The following TRA2A variants were observed in gnomAD, a reference collection of about 807,000 sequenced individuals.
TRA2A encodes transformer-2 protein homolog alpha.
In TRA2A, 31 loss-of-function variants were observed where a neutral mutation model predicts 45.7. That is an observed-to-expected ratio of 0.68 (90% CI 0.51 to 0.92). The LOEUF is 0.92. TRA2A is among the 40% of genes least tolerant of loss of function. The pLI is 0.00. For synonymous variants in TRA2A, 132 were observed against 126.2 expected (o/e 1.05, Z -0.31); for missense variants, 304 against 367.5 (o/e 0.83, Z 1.41).
chr7:23,531,872 G>C lies in TRA2A; in HGVS notation c.-48C>G. 1.2e-6 allele frequency: 2 copies of C among 1,604,148 alleles called. No individual in the cohort carries two copies. Among genetic ancestry groups the C allele is most frequent in the Non-Finnish European group, 1.7e-6 (2 of 1,173,486 alleles). ...CTAAATAAGAGACAAGTCTCGGCTC[G>C]AGGGCCGATGGCCTAATTAACCCGC... On this transcript the variant is annotated 5_prime_UTR_variant, in exon 1 of 8. Coordinates refer to ENST00000297071, the MANE Select transcript of TRA2A (RefSeq NM_013293.5).
At chr7:23,524,656 A>G (rs1453666029) in intron 1 of TRA2A, among the ~76,000 whole-genome samples, 1 of 151,182 alleles carries the variant, frequency 6.6e-6, no homozygotes, top group Non-Finnish European at 1.5e-5. Flanking sequence ...AGCTGTCTCT[A>G]ACTCCTAGCT....
intron 1 of TRA2A, among the ~76,000 whole-genome samples, chr7:23,527,840 C>G (rs1790401394): frequency 6.6e-6 from 1 of 152,108 alleles, no homozygotes; most frequent in African/African-American, 2.4e-5. Context: ...ATCTTGCCCT[C>G]TACTTATATT....
intron 2 of TRA2A, among the ~76,000 whole-genome samples, chr7:23,517,458 A>T (rs1789926224): frequency 7.8e-6 from 1 of 127,390 alleles, no homozygotes; most frequent in African/African-American, 3.0e-5. Flanking sequence ...AGCCTGGGCG[A>T]CAGAGCAAGA....
At chr7:23,520,795 C>T (rs891391881) in intron 2 of TRA2A, among the ~76,000 whole-genome samples, 1 of 151,112 alleles carries the variant, frequency 6.6e-6, no homozygotes, top group Non-Finnish European at 1.5e-5. Flanking sequence ...TGGGTTCAAG[C>T]GATTCTCCTG....
At chr7:23,521,512 C>T (rs41273987) in intron 2 of TRA2A, among the ~76,000 whole-genome samples, 195 bp downstream of exon 2, 3 of 152,316 alleles carry the variant, frequency 2.0e-5, no homozygotes, top group Non-Finnish European at 4.4e-5. Context: ...GCAATCAATG[C>T]AGCCTGGAAC....
Position 23,516,521 on chromosome 7 carries a change from A to C in TRA2A, c.178T>G (p.Ser60Ala), listed in dbSNP as rs753126707. 1 of 1,613,794 alleles carries C rather than the reference A, an allele frequency of 6.2e-7. No homozygotes were observed. Among genetic ancestry groups the C allele is most frequent in the South Asian group, 1.1e-5 (1 of 91,028 alleles). Residue 60 changes from serine to alanine, a missense_variant, in exon 3 of 8, where the codon TCA becomes GCA. Ser to Ala is a moderately conservative substitution (Grantham distance 99, BLOSUM62 1). This residue lies in a region of TRA2A where 132 missense variants were observed against 113.4 expected (regional missense o/e 1.16). Transcript: ENST00000297071. ...TAACGTCTATGAGAATGTCTCCTTGACCTCGACCTTTGAGAGAAATACATT... is the reference window on the plus strand; with the variant it reads ...TAACGTCTATGAGAATGTCTCCTTGCCCTCGACCTTTGAGAGAAATACATT... ...SRSRSKSRSRSRRHSHRRYTR... is the reference protein window; with the variant it reads ...SRSRSKSRSRARRHSHRRYTR...
intron 1 of TRA2A, 36 bp from the exon 2 acceptor site, chr7:23,521,876 C>T (rs1442616783): frequency 6.2e-7 from 1 of 1,612,834 alleles, no homozygotes; most frequent in East Asian, 2.2e-5. Context: ...TGGCACTGGT[C>T]ATGTAGATGC....
chr7:23,514,131 G>C (rs997392966), intron 3 of TRA2A, among the ~76,000 whole-genome samples: 1 of 150,092 alleles, frequency 6.7e-6, no homozygotes, highest in Non-Finnish European at 1.5e-5. Flanking sequence ...GCAATGGTGC[G>C]ATCTTGGCTC....
chr7:23,527,308 G>C (rs1229721251), intron 1 of TRA2A, among the ~76,000 whole-genome samples: 1 of 151,944 alleles, frequency 6.6e-6, no homozygotes, highest in Admixed American at 6.6e-5. Flanking sequence ...TTAAAAGGAG[G>C]GAAGGGAAAC....
intron 2 of TRA2A, among the ~76,000 whole-genome samples, chr7:23,520,796 G>T (rs889387096): frequency 6.6e-6 from 1 of 150,838 alleles, no homozygotes; most frequent in South Asian, 2.1e-4. Context: ...GGGTTCAAGC[G>T]ATTCTCCTGC....
At chr7:23,531,514 G>T (rs1045859156) in intron 1 of TRA2A, 1 of 556,736 alleles carries the variant, frequency 1.8e-6, no homozygotes. Context: ...CTCAGGGGTG[G>T]GGAGAAGGGA....
At chr7:23,506,305 A>T in intron 5 of TRA2A, 39 bp from the exon 6 acceptor site, 1 of 1,545,624 alleles carries the variant, frequency 6.5e-7, no homozygotes, top group Non-Finnish European at 8.7e-7. Context: ...AGTGTGAATG[A>T]CTATTTTCCA....
At chr7:23,521,358 A>G (rs927220822) in intron 2 of TRA2A, among the ~76,000 whole-genome samples, 1 of 152,248 alleles carries the variant, frequency 6.6e-6, no homozygotes, top group African/African-American at 2.4e-5. Context: ...TGCCAAACAC[A>G]TTTAAATTGA....
At chr7:23,507,052 T>C (rs544513196) in intron 5 of TRA2A, 4 of 184,658 alleles carry the variant, frequency 2.2e-5, no homozygotes, top group Admixed American at 1.7e-4. Flanking sequence ...TGTAAGCCAC[T>C]GCGCCCGGCA....
Position 23,504,882 on chromosome 7 carries a change from A to G in TRA2A, c.*677T>C, listed in dbSNP as rs761849192. On this transcript the variant is annotated 3_prime_UTR_variant, in exon 8 of 8. Coordinates refer to ENST00000297071, the MANE Select transcript of TRA2A (RefSeq NM_013293.5). ...CCTGCTTATCCACTGTCCCAATACCAAAATTTCTAACAGCGAATTATACAA... is the reference window on the plus strand; with the variant it reads ...CCTGCTTATCCACTGTCCCAATACCGAAATTTCTAACAGCGAATTATACAA... The G allele has an allele frequency of 2.0e-5, 3 of 152,650 alleles. No homozygotes were observed. Among genetic ancestry groups the G allele is most frequent in the Non-Finnish European group, 2.9e-5 (2 of 68,044 alleles). The allele number at this position is 152,650 out of a possible 1,614,324, so 9.5% of individuals were successfully genotyped here.
At chr7:23,512,863 C>A in intron 4 of TRA2A, 31 bp downstream of exon 4, 2 of 1,520,902 alleles carry the variant, frequency 1.3e-6, no homozygotes, top group Non-Finnish European at 9.0e-7. Context: ...TAATTCAGTA[C>A]TATAATCAGG....
intron 5 of TRA2A, 75 bp downstream of exon 5, chr7:23,507,345 G>C (rs1332110483): frequency 8.3e-7 from 1 of 1,198,512 alleles, no homozygotes; most frequent in East Asian, 2.3e-5. Context: ...TAGGAAAAAA[G>C]TTTCTGAGTA....
intron 1 of TRA2A, among the ~76,000 whole-genome samples, chr7:23,530,811 G>A (rs1424380156): frequency 6.6e-6 from 1 of 151,998 alleles, no homozygotes; most frequent in Admixed American, 6.6e-5. Flanking sequence ...TAATTTTCAG[G>A]TCATCTTTTA....
At chr7:23,517,474 T>G in intron 2 of TRA2A, among the ~76,000 whole-genome samples, 1 of 14,838 alleles carries the variant, frequency 6.7e-5, no homozygotes, top group Non-Finnish European at 1.2e-4. Context: ...CAAGACTACG[T>G]CTCAAAAAAA....
Sources: allele counts gnomAD v4.1 joint callset (sites outside exome capture counted in the v4.1 genomes callset), GRCh38; gene constraint gnomAD v4.1.1; regional missense constraint gnomAD v4.1.1; transcripts MANE v1.5; gene names NCBI Gene and HGNC (gene_info 2026-07-23, HGNC 2026-07-21).